PPM1D: variants seen among roughly 807,000 people sequenced by gnomAD.
PPM1D encodes protein phosphatase 1D.
In PPM1D, 52 loss-of-function variants were observed where a neutral mutation model predicts 58.3. The observed-to-expected ratio is 0.89, with a 90% CI of 0.71 to 1.12. The LOEUF is 1.12. PPM1D is among the 50% of genes most tolerant of loss of function. PPM1D has a pLI of 0.00. For missense variants in PPM1D, 564 were observed against 777.2 expected, an observed-to-expected ratio of 0.73 and a Z score of 3.26; for synonymous variants, 278 against 285.1, an observed-to-expected ratio of 0.98 and a Z score of 0.25.
chr17:60,657,121 T>C (rs778050914), intron 5 of PPM1D: 501 of 1,233,280 alleles, frequency 4.1e-4, no homozygotes, highest in Non-Finnish European at 5.0e-4. Context: ...TAGAAGTTTG[T>C]GAAGCACTTA....
In PPM1D at chr17:60,601,602, G is replaced by A. The variant is rs576397577; in HGVS notation, c.472+716G>A. On this transcript the variant is annotated intron_variant, in intron 1 of 5. Transcript: ENST00000305921. ...TGCTTGGGTTTTCTTTTTGGAAATTGCCTTAGCTGATTGCTTTCAGATAGT... is the reference window on the plus strand; with the variant it reads ...TGCTTGGGTTTTCTTTTTGGAAATTACCTTAGCTGATTGCTTTCAGATAGT... Among the ~76,000 whole-genome samples, 237 of 152,246 alleles carry A rather than the reference G, an allele frequency of 1.6e-3. 2 individuals carry two copies. The highest frequency in any genetic ancestry group is 0.014 in the South Asian group (68 of 4,822).
intron 1 of PPM1D, among the ~76,000 whole-genome samples, chr17:60,623,313 CATA>C (rs2143654572): frequency 6.6e-6 from 1 of 152,198 alleles, no homozygotes; most frequent in East Asian, 1.9e-4. Flanking sequence ...ATAGTTGTAT[CATA>C]ATTGCATTAT....
chr17:60,654,682 T>C (rs1255497181), intron 4 of PPM1D, among the ~76,000 whole-genome samples: 1 of 151,338 alleles, frequency 6.6e-6, no homozygotes, highest in Non-Finnish European at 1.5e-5. Context: ...GCCAACGTGG[T>C]GAAACCCCGT....
chr17:60,638,876 A>G (rs535421081), intron 3 of PPM1D, among the ~76,000 whole-genome samples: 6 of 152,226 alleles, frequency 3.9e-5, no homozygotes, highest in East Asian at 3.9e-4. Context: ...TACCCACCCT[A>G]TAGACACTGA....
intron 3 of PPM1D, among the ~76,000 whole-genome samples, chr17:60,643,865 A>G (rs896631658): frequency 6.0e-5 from 9 of 150,264 alleles, no homozygotes; most frequent in African/African-American, 2.0e-4. Context: ...TCATTGTGCA[A>G]TAGAACTCTT....
rs757164020 is a variant in PPM1D, at chr17:60,623,561, A to G, written c.513A>G (p.Ser171=). 4.3e-6 allele frequency: 7 copies of G among 1,614,074 alleles called. No individual in the cohort carries two copies. The highest frequency in any genetic ancestry group is 5.9e-6 in the Non-Finnish European group (7 of 1,180,040). Residue 171 remains serine, a synonymous_variant, in exon 2 of 6, where the codon TCA becomes TCG. Coordinates refer to ENST00000305921, the MANE Select transcript of PPM1D (RefSeq NM_003620.4). ...PKTMTGLPST[S]GTTASVVIIR... ...CTATGACGGGTCTTCCTAGCACATC[A>G]GGGACAACTGCCAGTGTGGTCATCA...
chr17:60,662,855 T>C (rs1409726912), intron 5 of PPM1D, 140 bp from the exon 6 acceptor site: 2 of 720,148 alleles, frequency 2.8e-6, no homozygotes, highest in East Asian at 2.6e-5. Flanking sequence ...GTTCAGTAAA[T>C]AGAAGGTGAA....
At position 60,600,617 on chromosome 17, in the gene PPM1D, C is replaced by G. The variant is rs759311325; in HGVS notation, c.203C>G (p.Pro68Arg). The change falls in exon 1 of 6, where the codon CCA (proline) becomes CGA (arginine). Residue 68 changes from proline (P) to arginine (R), a missense_variant. By Grantham distance (103) the Pro-to-Arg change is moderately radical. Transcript: ENST00000305921. Reference protein sequence around the residue: ...LPGGEVSGKGPAVAAREARDP... With the variant: ...LPGGEVSGKGRAVAAREARDP... ...GGCGGCGAAGTCTCGGGGAAAGGCC[C>G]AGCGGTGGCAGCCCGAGAGGCTCGC... 1.3e-6 allele frequency: 2 copies of G among 1,560,396 alleles called. No homozygotes were observed. Among genetic ancestry groups the G allele is most frequent in the African/African-American group, 2.7e-5 (2 of 73,124 alleles).
intron 1 of PPM1D, among the ~76,000 whole-genome samples, chr17:60,615,503 A>G (rs1013676171): frequency 7.9e-5 from 12 of 152,064 alleles, no homozygotes; most frequent in African/African-American, 2.4e-4. Flanking sequence ...TAAAAAAATT[A>G]AAATATAAAG....
chr17:60,636,981 T>TC (rs1269941969), intron 3 of PPM1D, among the ~76,000 whole-genome samples: 2 of 151,516 alleles, frequency 1.3e-5, no homozygotes, highest in Non-Finnish European at 1.5e-5. Flanking sequence ...TTTTTTTTTT[T>TC]TTTTTAGACA....
intron 1 of PPM1D, among the ~76,000 whole-genome samples, chr17:60,620,673 C>G (rs2030682079): frequency 1.3e-5 from 2 of 151,938 alleles, no homozygotes; most frequent in African/African-American, 4.8e-5. Context: ...CCATGCCTGG[C>G]TAATTTTTGT....
At chr17:60,631,678 G>A (rs1359120894) in intron 2 of PPM1D, among the ~76,000 whole-genome samples, 2 of 151,940 alleles carry the variant, frequency 1.3e-5, no homozygotes, top group Non-Finnish European at 2.9e-5. Flanking sequence ...CACCCACAAT[G>A]TTTTCTGGTC....
intron 5 of PPM1D, among the ~76,000 whole-genome samples, chr17:60,657,639 A>G (rs9898275): frequency 0.053 from 8,046 of 152,238 alleles, 612 homozygotes; most frequent in African/African-American, 0.17. Flanking sequence ...CCTATAGTCA[A>G]TACTTGGAAA....
At chr17:60,641,183 A>G (rs1598408903) in intron 3 of PPM1D, among the ~76,000 whole-genome samples, 1 of 152,340 alleles carries the variant, frequency 6.6e-6, no homozygotes, top group Admixed American at 6.5e-5. Context: ...ACTGCTTTCC[A>G]CAGTGGCTGA....
intron 3 of PPM1D, among the ~76,000 whole-genome samples, chr17:60,645,512 GTATATATATGTA>G (rs1336283953): frequency 1.7e-4 from 22 of 131,140 alleles, no homozygotes; most frequent in African/African-American, 4.4e-4. Context: ...ATATATATGT[GTATATATATGTA>G]TATATATATG....
intron 1 of PPM1D, among the ~76,000 whole-genome samples, chr17:60,607,407 C>T (rs184098863): frequency 0.011 from 1,664 of 152,206 alleles, 20 homozygotes; most frequent in Middle Eastern, 0.054. Flanking sequence ...CTCAGCTTCC[C>T]GAGTAACTGG....
At position 60,600,747 on chromosome 17, in the gene PPM1D, G is replaced by A. The variant is rs768972148; in HGVS notation, c.333G>A (p.Glu111=). 1.2e-4 allele frequency: 198 copies of A among 1,611,644 alleles called. No individual in the cohort carries two copies. The highest frequency in any genetic ancestry group is 1.5e-4 in the Non-Finnish European group (182 of 1,179,628). The part of the protein sequence containing the change: ...FAVCDGHGGR[E]AAQFAREHLW... The stretch of plus-strand genomic sequence containing the variant: ...TGTGCGACGGGCACGGCGGGCGGGA[G>A]GCGGCACAGTTTGCCCGGGAGCACT... The change falls in exon 1 of 6, where the codon GAG becomes GAA. Residue 111 remains glutamate, a synonymous_variant. Transcript: ENST00000305921.
intron 4 of PPM1D, among the ~76,000 whole-genome samples, chr17:60,649,457 G>T (rs2031305181): frequency 6.6e-6 from 1 of 151,976 alleles, no homozygotes; most frequent in Non-Finnish European, 1.5e-5. Context: ...GGGAGGCTGA[G>T]GCGGGTGGAT....
rs1489385565 is a variant in PPM1D, at chr17:60,665,180, A to C, written c.*1628A>C. On this transcript the variant is annotated 3_prime_UTR_variant, in exon 6 of 6. Coordinates refer to ENST00000305921, the MANE Select transcript of PPM1D (RefSeq NM_003620.4). ...AGAGATGGGGTTTCACATGTCAGTC[A>C]TGCTGGTCTTGATCTCCTGACCTCG... 1.3e-5 allele frequency: 2 copies of C among 151,638 alleles called. No homozygotes were observed. The highest frequency in any genetic ancestry group is 2.9e-5 in the Non-Finnish European group (2 of 67,938). 9.4% of individuals were successfully genotyped at this position (151,638 alleles called of 1,614,324 possible).
Sources: allele counts gnomAD v4.1 joint callset (sites outside exome capture counted in the v4.1 genomes callset), GRCh38; gene constraint gnomAD v4.1.1; transcripts MANE v1.5; gene names NCBI Gene and HGNC (gene_info 2026-07-23, HGNC 2026-07-21).